The following P2RY1 variants were observed in gnomAD, a reference collection of about 807,000 sequenced individuals.
P2RY1 encodes purinergic receptor P2Y1.
P2RY1 carries 14 observed loss-of-function variants against 22.8 expected under a neutral mutation model. That is an observed-to-expected ratio of 0.61 (90% CI 0.41 to 0.96). The LOEUF (loss-of-function observed/expected upper bound fraction) is 0.96. Among genes scored for constraint, P2RY1 ranks in the 40% least tolerant of loss-of-function variants. P2RY1 has a pLI of 0.00. For synonymous variants in P2RY1, 200 were observed against 195.1 expected (o/e 1.03, Z -0.21); for missense variants, 395 against 470.3 (o/e 0.84, Z 1.48).
rs200547630 is a variant in P2RY1 at position 152,835,974 on chromosome 3, C to G, written c.192C>G (p.Ile64Met). The G allele has an allele frequency of 6.2e-7, 1 of 1,614,194 alleles. No homozygotes were observed. ...CTGTCTACATCTTGGTATTCATCAT[C>G]GGCTTCCTGGGCAACAGCGTGGCCA... Reference protein sequence around the residue: ...LPAVYILVFIIGFLGNSVAIW... With the variant: ...LPAVYILVFIMGFLGNSVAIW... The change falls in exon 1 of 1, where the codon ATC (isoleucine) becomes ATG (methionine). Residue 64 changes from isoleucine to methionine, a missense_variant. Physicochemically the swap from Ile to Met is conservative, Grantham distance 10. Coordinates refer to ENST00000305097, the MANE Select transcript of P2RY1 (RefSeq NM_002563.5).
In P2RY1 at chr3:152,838,219, A is replaced by G. The variant is rs550593615; in HGVS notation, c.*1315A>G. On this transcript the variant is annotated 3_prime_UTR_variant, in exon 1 of 1. Coordinates refer to ENST00000305097, the MANE Select transcript of P2RY1 (RefSeq NM_002563.5). ...GCACTGAAAAGTAAAGTACTACTCA[A>G]ACTACTAATAGAAGACTATTGGTCA... is the stretch of plus-strand genomic sequence containing the variant. 5 of 152,362 alleles carry G rather than the reference A, an allele frequency of 3.3e-5. No individual in the cohort carries two copies. Among genetic ancestry groups the G allele is most frequent in the South Asian group, 2.1e-4 (1 of 4,832 alleles). The allele number at this position is 152,362 out of a possible 1,614,324, so 9.4% of individuals were successfully genotyped here. A position where few individuals can be genotyped will look rare whatever the true frequency, so the allele number is the denominator to read the frequency against.
chr3:152,836,242 G>A lies in P2RY1; in HGVS notation c.460G>A (p.Val154Met). The A allele has an allele frequency of 6.2e-7, 1 of 1,613,974 alleles. No individual in the cohort carries two copies. Among genetic ancestry groups the A allele is most frequent in the Non-Finnish European group, 8.5e-7 (1 of 1,179,896 alleles). Residue 154 changes from valine (V) to methionine (M), a missense_variant, in exon 1 of 1, where the codon GTG (valine) becomes ATG (methionine). This residue lies in a region of P2RY1 where 291 missense variants were observed against 361.6 expected (regional missense o/e 0.80). Transcript: ENST00000305097. This position sits in a 1 kb window ranked among gnomAD's most constrained non-coding sequence, Gnocchi z 5.6. The part of the protein sequence containing the change: ...CISAHRYSGV[V>M]YPLKSLGRLK... ...CAGTGCCCACCGGTACAGCGGTGTGGTGTACCCCCTCAAGTCCCTGGGCCG... is the reference window on the plus strand; with the variant it reads ...CAGTGCCCACCGGTACAGCGGTGTGATGTACCCCCTCAAGTCCCTGGGCCG...
At position 152,836,961 on chromosome 3, in the gene P2RY1, A is replaced by G. The variant is rs1716181944; in HGVS notation, c.*57A>G. 2 of 1,344,742 alleles carry G rather than the reference A, an allele frequency of 1.5e-6. No homozygotes were observed. Among genetic ancestry groups the G allele is most frequent in the Non-Finnish European group, 2.0e-6 (2 of 977,050 alleles). 83.3% of individuals were successfully genotyped at this position (1,344,742 alleles called of 1,614,324 possible). A position where few individuals can be genotyped will look rare whatever the true frequency, so the allele number is the denominator to read the frequency against. On this transcript the variant is annotated 3_prime_UTR_variant, in exon 1 of 1. Transcript: ENST00000305097. This position sits in a 1 kb window ranked among gnomAD's most constrained non-coding sequence, Gnocchi z 5.6. ...GTAATATGGTAGGATGCTTAACAGA[A>G]TCAAGTACTTTTCCCCTCTTTAACT...
Position 152,836,783 on chromosome 3 carries a change from G to T in P2RY1, c.1001G>T (p.Arg334Ile). Residue 334 changes from arginine (R) to isoleucine (I), a missense_variant, in exon 1 of 1, where the codon AGA (arginine) becomes ATA (isoleucine). Around this residue, in one of 3 missense-constraint regions of P2RY1, gnomAD observed 291 missense variants for 361.6 expected, o/e 0.80. Transcript: ENST00000305097. The surrounding 1 kb of genome is among the most constrained non-coding windows in gnomAD (Gnocchi z 5.6). ...YFLAGDTFRR[R>I]LSRATRKASR... The stretch of plus-strand genomic sequence containing the variant: ...TTGGCGGGAGATACTTTCAGAAGGA[G>T]ACTCTCCCGAGCCACAAGGAAAGCT... 6.2e-7 allele frequency: 1 copy of T among 1,613,942 alleles called. No individual in the cohort carries two copies. Among genetic ancestry groups the T allele is most frequent in the Non-Finnish European group, 8.5e-7 (1 of 1,180,042 alleles).
rs1301486127 is a variant in P2RY1 at position 152,839,571 on chromosome 3, T to C, written c.*2667T>C. ...CTTTGACTCTTTGAACATCAATTTGTGTTTACATTGAAATGACAAAAAGAC... is the reference window on the plus strand; with the variant it reads ...CTTTGACTCTTTGAACATCAATTTGCGTTTACATTGAAATGACAAAAAGAC... On this transcript the variant is annotated 3_prime_UTR_variant, in exon 1 of 1. Coordinates refer to ENST00000305097, the MANE Select transcript of P2RY1 (RefSeq NM_002563.5). 1 of 152,216 alleles carries C rather than the reference T, an allele frequency of 6.6e-6. No homozygotes were observed. The highest frequency in any genetic ancestry group is 1.5e-5 in the Non-Finnish European group (1 of 68,032). The allele number at this position is 152,216 out of a possible 1,614,324, so 9.4% of individuals were successfully genotyped here. A position where few individuals can be genotyped will look rare whatever the true frequency, so the allele number is the denominator to read the frequency against.
chr3:152,836,602 A>G lies in P2RY1; in HGVS notation c.820A>G (p.Ile274Val). 6.2e-7 allele frequency: 1 copy of G among 1,614,182 alleles called. No individual in the cohort carries two copies. The highest frequency in any genetic ancestry group is 8.5e-7 in the Non-Finnish European group (1 of 1,180,042). Reference protein sequence around the residue: ...IVLTVFAVSYIPFHVMKTMNL... With the variant: ...IVLTVFAVSYVPFHVMKTMNL... ...ACTGACTGTTTTTGCTGTGTCTTAC[A>G]TCCCTTTCCATGTGATGAAAACGAT... is the stretch of plus-strand genomic sequence containing the variant. Residue 274 changes from isoleucine (I) to valine (V), a missense_variant, in exon 1 of 1, where the codon ATC (isoleucine) becomes GTC (valine). Physicochemically the swap from Ile to Val is conservative, Grantham distance 29 (BLOSUM62 3). This residue lies in a region of P2RY1 where 291 missense variants were observed against 361.6 expected (regional missense o/e 0.80). Transcript: ENST00000305097. This position sits in a 1 kb window ranked among gnomAD's most constrained non-coding sequence, Gnocchi z 5.6.
chr3:152,836,952 C>T lies in P2RY1; in HGVS notation c.*48C>T, dbSNP rs1016391370. ...CTCTCTGTTGTAATATGGTAGGATG[C>T]TTAACAGAATCAAGTACTTTTCCCC... On this transcript the variant is annotated 3_prime_UTR_variant, in exon 1 of 1. Transcript: ENST00000305097. The surrounding 1 kb of genome is among the most constrained non-coding windows in gnomAD (Gnocchi z 5.6). 2.1e-6 allele frequency: 3 copies of T among 1,411,672 alleles called. No homozygotes were observed. The African/African-American group carries it at 4.3e-5, about 20-fold the overall frequency. The allele number at this position is 1,411,672 out of a possible 1,614,324, so 87.4% of individuals were successfully genotyped here.
rs1716137686 is a variant in P2RY1 at position 152,835,777 on chromosome 3, G to T, written c.-6G>T. ...CGGAGCCGCCGCCTAAGTCGAGGAG[G>T]AGAGAATGACCGAGGTGCTGTGGCC... On this transcript the variant is annotated 5_prime_UTR_variant, in exon 1 of 1. Coordinates refer to ENST00000305097, the MANE Select transcript of P2RY1 (RefSeq NM_002563.5). 1.3e-5 allele frequency: 21 copies of T among 1,588,530 alleles called. No individual in the cohort carries two copies. The highest frequency in any genetic ancestry group is 1.6e-5 in the Non-Finnish European group (19 of 1,169,814).
chr3:152,836,266 C>T lies in P2RY1; in HGVS notation c.484C>T (p.Arg162Trp). The T allele has an allele frequency of 3.1e-6, 5 of 1,614,090 alleles. No individual in the cohort carries two copies. Among genetic ancestry groups the T allele is most frequent in the Non-Finnish European group, 4.2e-6 (5 of 1,180,016 alleles). ...GVVYPLKSLG[R>W]LKKKNAICIS... The stretch of plus-strand genomic sequence containing the variant: ...GGTGTACCCCCTCAAGTCCCTGGGC[C>T]GGCTCAAAAAGAAGAATGCGATCTG... Residue 162 changes from arginine to tryptophan, a missense_variant, in exon 1 of 1, where the codon CGG (arginine) becomes TGG (tryptophan). Transcript: ENST00000305097. This position sits in a 1 kb window ranked among gnomAD's most constrained non-coding sequence, Gnocchi z 5.6.
rs1716167297 is a variant in P2RY1 at position 152,836,631 on chromosome 3, C to T, written c.849C>T (p.Asn283=). Residue 283 remains asparagine, a synonymous_variant, in exon 1 of 1, where the codon AAC becomes AAT. Coordinates refer to ENST00000305097, the MANE Select transcript of P2RY1 (RefSeq NM_002563.5). This position sits in a 1 kb window ranked among gnomAD's most constrained non-coding sequence, Gnocchi z 5.6. ...CTTTCCATGTGATGAAAACGATGAA[C>T]TTGAGGGCCCGGCTTGATTTTCAGA... ...YIPFHVMKTM[N]LRARLDFQTP... 2 of 1,614,044 alleles carry T rather than the reference C, an allele frequency of 1.2e-6. No individual in the cohort carries two copies. The highest frequency in any genetic ancestry group is 1.3e-5 in the African/African-American group (1 of 74,904).
chr3:152,835,670 G>T lies in P2RY1; in HGVS notation c.-113G>T, dbSNP rs1255074702. The T allele has an allele frequency of 9.3e-7, 1 of 1,074,404 alleles. No homozygotes were observed. The highest frequency in any genetic ancestry group is 1.6e-5 in the African/African-American group (1 of 62,746). The allele number at this position is 1,074,404 out of a possible 1,614,324, so 66.6% of individuals were successfully genotyped here. A position where few individuals can be genotyped will look rare whatever the true frequency, so the allele number is the denominator to read the frequency against. ...GCCCCCTCCCGCGGGGATCCAGTTC[G>T]CCTGCTCCCTTCCGCTCGCTGGCTT... On this transcript the variant is annotated 5_prime_UTR_variant, in exon 1 of 1. Transcript: ENST00000305097.
rs771661930 is a variant in P2RY1 at position 152,836,855 on chromosome 3, C to A, written c.1073C>A (p.Thr358Asn). 9 of 1,613,060 alleles carry A rather than the reference C, an allele frequency of 5.6e-6. No homozygotes were observed. In the African/African-American group the frequency reaches 6.7e-5, roughly 12 times the overall value. Residue 358 changes from threonine to asparagine, a missense_variant, in exon 1 of 1, where the codon ACC becomes AAC. Thr to Asn is a moderately conservative substitution (Grantham distance 65). Transcript: ENST00000305097. The surrounding 1 kb of genome is among the most constrained non-coding windows in gnomAD (Gnocchi z 5.6). ...TTGCAATCCAAGAGTGAAGACATGA[C>A]CCTCAATATTTTACCTGAGTTCAAG... The part of the protein sequence containing the change: ...ANLQSKSEDM[T>N]LNILPEFKQN...
chr3:152,836,102 T>A lies in P2RY1; in HGVS notation c.320T>A (p.Leu107Gln), dbSNP rs1363773896. The change falls in exon 1 of 1, where the codon CTG becomes CAG. Residue 107 changes from leucine (L) to glutamine (Q), a missense_variant. By Grantham distance (113) the Leu-to-Gln change is moderately radical. Coordinates refer to ENST00000305097, the MANE Select transcript of P2RY1 (RefSeq NM_002563.5). This position sits in a 1 kb window ranked among gnomAD's most constrained non-coding sequence, Gnocchi z 5.6. ...TTGTACGTGCTGACTCTGCCAGCCC[T>A]GATCTTCTACTACTTCAATAAAACA... Reference protein sequence around the residue: ...DFLYVLTLPALIFYYFNKTDW... With the variant: ...DFLYVLTLPAQIFYYFNKTDW... 3 of 1,613,970 alleles carry A rather than the reference T, an allele frequency of 1.9e-6. No homozygotes were observed. The highest frequency in any genetic ancestry group is 2.5e-6 in the Non-Finnish European group (3 of 1,179,948).
At position 152,837,162 on chromosome 3, in the gene P2RY1, T is replaced by A. The variant is rs925336459; in HGVS notation, c.*258T>A. On this transcript the variant is annotated 3_prime_UTR_variant, in exon 1 of 1. Transcript: ENST00000305097. The stretch of plus-strand genomic sequence containing the variant: ...CCTAGTTAAACATTTACTTTCTCTT[T>A]TGCCTTTAAAATGTGCAGGCTTTTC... 2.4e-6 allele frequency: 1 copy of A among 417,504 alleles called. No individual in the cohort carries two copies. Among genetic ancestry groups the A allele is most frequent in the Non-Finnish European group, 4.4e-6 (1 of 227,126 alleles). 25.9% of individuals were successfully genotyped at this position (417,504 alleles called of 1,614,324 possible). A position where few individuals can be genotyped will look rare whatever the true frequency, so the allele number is the denominator to read the frequency against.
At position 152,835,906 on chromosome 3, in the gene P2RY1, T is replaced by A. The variant is rs1390447442; in HGVS notation, c.124T>A (p.Cys42Ser). The A allele has an allele frequency of 6.2e-7, 1 of 1,614,170 alleles. No individual in the cohort carries two copies. ...TGCCGCCGTCTCCTCGTCGTTCAAA[T>A]GCGCCTTGACCAAGACGGGCTTCCA... ...STAAVSSSFK[C>S]ALTKTGFQFY... Residue 42 changes from cysteine (C) to serine (S), a missense_variant, in exon 1 of 1, where the codon TGC becomes AGC. By Grantham distance (112) the Cys-to-Ser change is moderately radical. This residue lies in a region of P2RY1 where 98 missense variants were observed against 87.7 expected (regional missense o/e 1.12). Transcript: ENST00000305097.
In P2RY1 at chr3:152,836,406, C is replaced by G; in HGVS notation, c.624C>G (p.Asp208Glu). The G allele has an allele frequency of 6.2e-6, 10 of 1,614,156 alleles. No homozygotes were observed. The highest frequency in any genetic ancestry group is 8.5e-6 in the Non-Finnish European group (10 of 1,180,028). Residue 208 changes from aspartate (D) to glutamate (E), a missense_variant, in exon 1 of 1, where the codon GAC becomes GAG. Physicochemically the swap from Asp to Glu is conservative, Grantham distance 45 (BLOSUM62 2). Around this residue, in one of 3 missense-constraint regions of P2RY1, gnomAD observed 291 missense variants for 361.6 expected, o/e 0.80. Transcript: ENST00000305097. This position sits in a 1 kb window ranked among gnomAD's most constrained non-coding sequence, Gnocchi z 5.6. ...TCACCTGTTACGACACCACCTCAGA[C>G]GAGTACCTGCGAAGTTATTTCATCT... ...KTITCYDTTS[D>E]EYLRSYFIYS...
Position 152,838,028 on chromosome 3 carries a change from G to A in P2RY1, c.*1124G>A, listed in dbSNP as rs1350002951. The A allele has an allele frequency of 6.0e-6, 1 of 166,922 alleles. No homozygotes were observed. The highest frequency in any genetic ancestry group is 1.5e-5 in the Non-Finnish European group (1 of 68,078). 10.3% of individuals were successfully genotyped at this position (166,922 alleles called of 1,614,324 possible). On this transcript the variant is annotated 3_prime_UTR_variant, in exon 1 of 1. Coordinates refer to ENST00000305097, the MANE Select transcript of P2RY1 (RefSeq NM_002563.5). ...GAGAAGACTCTTGCTTCCTCCAAGT[G>A]TTTGAAAACACAAAATGCGATATGA...
rs1353167784 is a variant in P2RY1, at chr3:152,838,693, A to G, written c.*1789A>G. 1 of 152,182 alleles carries G rather than the reference A, an allele frequency of 6.6e-6. No individual in the cohort carries two copies. The highest frequency in any genetic ancestry group is 1.5e-5 in the Non-Finnish European group (1 of 68,032). The allele number at this position is 152,182 out of a possible 1,614,324, so 9.4% of individuals were successfully genotyped here. On this transcript the variant is annotated 3_prime_UTR_variant, in exon 1 of 1. Transcript: ENST00000305097. ...TCACTTTACCCAATCTCTGGCCACT[A>G]AGATCAATGAAGAAAAGCTGTATTT...
At position 152,835,941 on chromosome 3, in the gene P2RY1, C is replaced by T. The variant is rs1266445445; in HGVS notation, c.159C>T (p.Tyr53=). ...CCAAGACGGGCTTCCAGTTTTACTA[C>T]CTGCCGGCTGTCTACATCTTGGTAT... ...ALTKTGFQFY[Y]LPAVYILVFI... Residue 53 remains tyrosine (Y), a synonymous_variant, in exon 1 of 1, where the codon TAC becomes TAT. Transcript: ENST00000305097. The T allele has an allele frequency of 1.2e-6, 2 of 1,614,210 alleles. No homozygotes were observed. The highest frequency in any genetic ancestry group is 2.2e-5 in the South Asian group (2 of 91,086).
Sources: allele counts gnomAD v4.1 joint callset, GRCh38; gene constraint gnomAD v4.1.1; regional missense constraint gnomAD v4.1.1; non-coding constraint Gnocchi (gnomAD v3.1); transcripts MANE v1.5; gene names NCBI Gene and HGNC (gene_info 2026-07-23, HGNC 2026-07-21).